The following TDRD5 variants were observed in gnomAD, a reference collection of about 807,000 sequenced individuals.
TDRD5 encodes tudor domain containing 5, also known as tudor domain-containing protein 5.
A neutral mutation model predicts 120.6 loss-of-function variants in TDRD5; 41 were observed. The observed-to-expected ratio is 0.34, with a 90% CI of 0.26 to 0.44. TDRD5 has a LOEUF of 0.44. Among genes scored for constraint, TDRD5 ranks in the 20% least tolerant of loss-of-function variants. The probability of loss-of-function intolerance (pLI) is 1.00; values close to 1 mark genes in which losing one functional copy is unlikely to be tolerated. For missense variants in TDRD5, 1,006 were observed against 1,221.2 expected, an observed-to-expected ratio of 0.82 and a Z score of 2.63; for synonymous variants, 430 against 433.7, an observed-to-expected ratio of 0.99 and a Z score of 0.11.
intron 17 of TDRD5, among the ~76,000 whole-genome samples, chr1:179,670,391 CA>C (rs750042297): frequency 0.013 from 1,325 of 102,644 alleles, 9 homozygotes; most frequent in African/African-American, 0.029. Flanking sequence ...GACTCCGTCT[CA>C]AAAAAAAAAA....
At chr1:179,593,947 G>A (rs1675252930) in intron 3 of TDRD5, 80 bp downstream of exon 3, 1 of 1,507,290 alleles carries the variant, frequency 6.6e-7, no homozygotes, top group South Asian at 1.4e-5. Context: ...GTTCGTTAGA[G>A]TTGAAGCCTG....
At chr1:179,676,940 G>A (rs1680172971) in intron 17 of TDRD5, among the ~76,000 whole-genome samples, 1 of 152,162 alleles carries the variant, frequency 6.6e-6, no homozygotes, top group South Asian at 2.1e-4. Context: ...CCTCAAATAT[G>A]TTTTCCATAC....
chr1:179,656,946 A>G (rs1423904841), intron 14 of TDRD5, among the ~76,000 whole-genome samples: 1 of 152,112 alleles, frequency 6.6e-6, no homozygotes, highest in African/African-American at 2.4e-5. Context: ...CCAGCTACTT[A>G]GGAGACTGAG....
chr1:179,642,113 T>G (rs1247716249), intron 11 of TDRD5, among the ~76,000 whole-genome samples: 1 of 152,016 alleles, frequency 6.6e-6, no homozygotes, highest in Non-Finnish European at 1.5e-5. Context: ...TTTCTTTTTT[T>G]TTTTGGAGAC....
rs192016600 is a variant in TDRD5, at chr1:179,660,320, C to T, written c.2323-1784C>T. Among the ~76,000 whole-genome samples the T allele has an allele frequency of 3.1e-4, 45 of 147,438 alleles. No individual in the cohort carries two copies. In the East Asian group the frequency reaches 7.8e-3, roughly 26 times the overall value. Reference sequence around the variant, plus strand: ...CTGCAAGCTCTGCCTCTCAGGTTCACGCCATTCTCCTGCCTCAGCCTCCCG... The same window carrying T: ...CTGCAAGCTCTGCCTCTCAGGTTCATGCCATTCTCCTGCCTCAGCCTCCCG... On this transcript the variant is annotated intron_variant, in intron 14 of 17. Transcript: ENST00000444136.
chr1:179,680,800 C>T (rs1168321275), intron 17 of TDRD5, among the ~76,000 whole-genome samples: 1 of 151,676 alleles, frequency 6.6e-6, no homozygotes, highest in Non-Finnish European at 1.5e-5. Flanking sequence ...CCTGTCTGTA[C>T]TATGTTAAAG....
At chr1:179,673,519 AT>A (rs1280833682) in intron 17 of TDRD5, among the ~76,000 whole-genome samples, 1 of 152,134 alleles carries the variant, frequency 6.6e-6, no homozygotes, top group Admixed American at 6.5e-5. Flanking sequence ...GGTTTTATAC[AT>A]TTAGGGAGAC....
chr1:179,651,186 C>G (rs191137733), intron 12 of TDRD5, 119 bp downstream of exon 12: 3 of 1,121,986 alleles, frequency 2.7e-6, no homozygotes, highest in Admixed American at 2.8e-5. Context: ...GAGACATCCA[C>G]GAGATTCCTG....
Position 179,667,496 on chromosome 1 carries a change from C to T in TDRD5, c.2650-1698C>T, listed in dbSNP as rs116794387. 2.8e-3 allele frequency among the ~76,000 whole-genome samples: 424 copies of T among 152,200 alleles called. 2 individuals carry two copies. The highest frequency in any genetic ancestry group is 9.9e-3 in the African/African-American group (413 of 41,540). ...TGACTAGCAAGTTTAAACAAGTTAC[C>T]TTTTGTGCCCTGAGCTTGTCCACCT... On this transcript the variant is annotated intron_variant, in intron 16 of 17. Transcript: ENST00000444136.
At chr1:179,626,367 A>G (rs1254225259) in intron 6 of TDRD5, among the ~76,000 whole-genome samples, 4 of 152,190 alleles carry the variant, frequency 2.6e-5, no homozygotes, top group African/African-American at 7.2e-5. Flanking sequence ...AAGATAATCT[A>G]TGGTGGAAAA....
At chr1:179,632,878 C>T (rs1418426970) in intron 7 of TDRD5, among the ~76,000 whole-genome samples, 1 of 152,112 alleles carries the variant, frequency 6.6e-6, no homozygotes, top group Non-Finnish European at 1.5e-5. Context: ...CTTGGCCTAG[C>T]CTACCTTAGA....
rs974372447 is a variant in TDRD5, at chr1:179,661,752, A to G, written c.2323-352A>G. Among the ~76,000 whole-genome samples the G allele has an allele frequency of 2.0e-5, 3 of 151,878 alleles. No individual in the cohort carries two copies. In the East Asian group the frequency reaches 5.8e-4, roughly 29 times the overall value. On this transcript the variant is annotated intron_variant, in intron 14 of 17. Coordinates refer to ENST00000444136, the MANE Select transcript of TDRD5 (RefSeq NM_001199085.3). ...TCAATTCCAAAAACCTTTTAGTACA[A>G]ATTTCTGAGTTTTTGAGGTATATAT...
At chr1:179,651,783 C>T (rs545249338) in intron 12 of TDRD5, among the ~76,000 whole-genome samples, 5 of 151,664 alleles carry the variant, frequency 3.3e-5, no homozygotes, top group East Asian at 2.0e-4. Flanking sequence ...CGTGATGGCA[C>T]GTGCCTGTAG....
intron 16 of TDRD5, among the ~76,000 whole-genome samples, chr1:179,665,135 A>G (rs1679498036): frequency 6.6e-6 from 1 of 152,082 alleles, no homozygotes; most frequent in Non-Finnish European, 1.5e-5. Context: ...TGTTATTCAG[A>G]TATAAGAAAA....
chr1:179,621,845 T>C (rs1415890203), intron 6 of TDRD5, among the ~76,000 whole-genome samples: 1 of 152,172 alleles, frequency 6.6e-6, no homozygotes, highest in African/African-American at 2.4e-5. Context: ...TCACAACAAA[T>C]AGAGGCACAG....
chr1:179,646,163 T>C (rs1678351195), intron 11 of TDRD5, among the ~76,000 whole-genome samples: 1 of 152,184 alleles, frequency 6.6e-6, no homozygotes. Flanking sequence ...TTTGAAGAGA[T>C]CTTTAAAATA....
At chr1:179,639,523 C>CT (rs1558398107) in intron 9 of TDRD5, among the ~76,000 whole-genome samples, 1 of 152,156 alleles carries the variant, frequency 6.6e-6, no homozygotes. Context: ...GATTTGGGAG[C>CT]TATCAGGTCA....
chr1:179,679,107 T>A (rs1345028380), intron 17 of TDRD5, among the ~76,000 whole-genome samples: 1 of 152,240 alleles, frequency 6.6e-6, no homozygotes, highest in Non-Finnish European at 1.5e-5. Flanking sequence ...TTATTCTGCG[T>A]CTATTGAGAT....
chr1:179,669,510 A>C (rs1679742976), intron 17 of TDRD5, 106 bp downstream of exon 17: 1 of 1,204,456 alleles, frequency 8.3e-7, no homozygotes, highest in Non-Finnish European at 1.2e-6. Context: ...ACCTTGAAAC[A>C]TTACTGACGT....
Sources: allele counts gnomAD v4.1 joint callset (sites outside exome capture counted in the v4.1 genomes callset), GRCh38; gene constraint gnomAD v4.1.1; transcripts MANE v1.5; gene names NCBI Gene and HGNC (gene_info 2026-07-23, HGNC 2026-07-21).